The following PSD2 variants were observed in gnomAD, a reference collection of about 807,000 sequenced individuals.
PSD2 encodes PH and SEC7 domain-containing protein 2.
Under a neutral mutation model 69.8 loss-of-function variants are expected in PSD2, and 38 were observed. The observed-to-expected ratio is 0.54, with a 90% CI of 0.42 to 0.71. PSD2 has a LOEUF of 0.71. PSD2 is among the 30% of genes least tolerant of loss of function. PSD2 has a pLI of 0.00. For missense variants in PSD2, 943 were observed against 1,014.5 expected (o/e 0.93, Z 0.96); for synonymous variants, 412 against 423.0 (o/e 0.97, Z 0.32).
intron 4 of PSD2, among the ~76,000 whole-genome samples, chr5:139,816,398 CTGT>C (rs1389700819): frequency 1.3e-5 from 2 of 152,228 alleles, no homozygotes; most frequent in Non-Finnish European, 2.9e-5. Context: ...GCCGATTGGT[CTGT>C]TAAGTCTCTT....
chr5:139,836,693 T>C (rs1191216442), intron 9 of PSD2, 118 bp from the exon 10 acceptor site: 2 of 827,272 alleles, frequency 2.4e-6, no homozygotes, highest in Non-Finnish European at 4.0e-6. Flanking sequence ...CTCTGCCTCC[T>C]GGGGCTGCTC....
chr5:139,764,287 C>T, the PSD2 span, among the ~76,000 whole-genome samples: 2 of 152,228 alleles, frequency 1.3e-5, no homozygotes, highest in African/African-American at 4.8e-5. Context: ...TCGCGCCTGG[C>T]ACTGAGACCG....
At chr5:139,795,040 G>C (rs536317491), upstream of PSD2, among the ~76,000 whole-genome samples, 7 of 152,236 alleles carry the variant, frequency 4.6e-5, no homozygotes, top group South Asian at 1.2e-3. The surrounding 1 kb of genome is among the most constrained non-coding windows in gnomAD (Gnocchi z 4.5). Context: ...GTCTCTCTCT[G>C]TCTCCTTATA....
intron 7 of PSD2, among the ~76,000 whole-genome samples, chr5:139,830,379 G>T (rs1372596531): frequency 7.6e-6 from 1 of 131,766 alleles, no homozygotes; most frequent in Non-Finnish European, 1.6e-5. Flanking sequence ...TTGAGACAGC[G>T]TCTCTCTGTT....
Position 139,837,639 on chromosome 5 carries a change from T to C in PSD2, c.1680T>C (p.Pro560=). Residue 560 remains proline (P), a synonymous_variant, in exon 12 of 15, where the codon CCT becomes CCC. Coordinates refer to ENST00000274710, the MANE Select transcript of PSD2 (RefSeq NM_032289.4). The surrounding 1 kb of genome is among the most constrained non-coding windows in gnomAD (Gnocchi z 5.0). Reference sequence around the variant, plus strand: ...GCCCCACCCAGGATGAGTACAGGCCTGACAAAGCTCTATCGGAGGGTGACC... The same window carrying C: ...GCCCCACCCAGGATGAGTACAGGCCCGACAAAGCTCTATCGGAGGGTGACC... ...ILYLQKDEYR[P]DKALSEGDLK... The C allele has an allele frequency of 1.9e-6, 3 of 1,611,494 alleles. No individual in the cohort carries two copies. The highest frequency in any genetic ancestry group is 2.5e-6 in the Non-Finnish European group (3 of 1,178,104).
intron 1 of PSD2, among the ~76,000 whole-genome samples, chr5:139,803,441 C>T (rs185820167): frequency 1.3e-5 from 2 of 152,356 alleles, no homozygotes; most frequent in Admixed American, 1.3e-4. Flanking sequence ...CAGCAGCCCT[C>T]CCTTGAGCAC....
At chr5:139,832,868 C>A (rs982573814) in intron 7 of PSD2, among the ~76,000 whole-genome samples, 5 of 152,138 alleles carry the variant, frequency 3.3e-5, no homozygotes, top group Non-Finnish European at 7.4e-5. Flanking sequence ...AGGGTTTGAG[C>A]CCCTCTGCTA....
chr5:139,820,615 T>C (rs1760235779), intron 5 of PSD2, among the ~76,000 whole-genome samples: 2 of 152,096 alleles, frequency 1.3e-5, no homozygotes, highest in Non-Finnish European at 2.9e-5. Flanking sequence ...AAATGAACTA[T>C]AGCAAAAATT....
chr5:139,821,705 G>A (rs776391840), intron 5 of PSD2, among the ~76,000 whole-genome samples, 188 bp from the exon 6 acceptor site: 25 of 152,188 alleles, frequency 1.6e-4, no homozygotes, highest in Non-Finnish European at 2.9e-4. Flanking sequence ...AGGTCCCCTG[G>A]CCTCAGCACT....
Position 139,813,472 on chromosome 5 carries a change from C to G in PSD2, c.535C>G (p.Pro179Ala), listed in dbSNP as rs773028920. 6.2e-7 allele frequency: 1 copy of G among 1,613,904 alleles called. No homozygotes were observed. Among genetic ancestry groups the G allele is most frequent in the African/African-American group, 1.3e-5 (1 of 75,070 alleles). The change falls in exon 3 of 15, where the codon CCC becomes GCC. Residue 179 changes from proline (P) to alanine (A), a missense_variant. Pro to Ala is a conservative substitution (Grantham distance 27). This residue lies in a region of PSD2 where 466 missense variants were observed against 445.0 expected (regional missense o/e 1.05). Coordinates refer to ENST00000274710, the MANE Select transcript of PSD2 (RefSeq NM_032289.4). ...ESDSCVSFEA[P>A]LTPLIQQRAR... ...CGACAGCTGCGTCAGCTTCGAGGCCCCCCTCACACCCCTCATCCAGCAGCG... is the reference window on the plus strand; with the variant it reads ...CGACAGCTGCGTCAGCTTCGAGGCCGCCCTCACACCCCTCATCCAGCAGCG...
the PSD2 span, among the ~76,000 whole-genome samples, chr5:139,783,459 A>G: frequency 0.31 from 47,861 of 152,010 alleles, 8,383 homozygotes; most frequent in African/African-American, 0.48. Flanking sequence ...ATGCGTCCAT[A>G]TTGTAGCAGG....
chr5:139,830,570 C>CCTTCCTTTCTT (rs1760555907), intron 7 of PSD2, among the ~76,000 whole-genome samples: 2 of 133,430 alleles, frequency 1.5e-5, no homozygotes, highest in African/African-American at 6.6e-5. Context: ...TCCTTCCTTT[C>CCTTCCTTTCTT]TTTCTTTCTT....
chr5:139,798,177 G>A (rs1287864456), intron 1 of PSD2, among the ~76,000 whole-genome samples: 1 of 152,242 alleles, frequency 6.6e-6, no homozygotes, highest in Non-Finnish European at 1.5e-5. Flanking sequence ...CTTGAGGGGT[G>A]TTTGGGGGAG....
chr5:139,752,263 G>A, the PSD2 span, among the ~76,000 whole-genome samples: 1 of 151,938 alleles, frequency 6.6e-6, no homozygotes, highest in Non-Finnish European at 1.5e-5. Context: ...ATCCATCCAT[G>A]TCTCTTTTTC....
chr5:139,754,935 G>GGT, the PSD2 span, among the ~76,000 whole-genome samples: 4 of 152,202 alleles, frequency 2.6e-5, no homozygotes, highest in African/African-American at 7.2e-5. Flanking sequence ...TGGGAGCCAA[G>GGT]GTGTGTATGT....
chr5:139,784,132 G>T, the PSD2 span, among the ~76,000 whole-genome samples: 2 of 151,522 alleles, frequency 1.3e-5, no homozygotes, highest in African/African-American at 4.9e-5. Flanking sequence ...GCAGAGAGGG[G>T]TTTTGCCATG....
intron 1 of PSD2, among the ~76,000 whole-genome samples, chr5:139,799,695 A>G (rs531264034): frequency 1.3e-5 from 2 of 152,154 alleles, no homozygotes; most frequent in African/African-American, 2.4e-5. Flanking sequence ...CAGGGGGGAC[A>G]GCATTGGGGC....
At chr5:139,788,032 T>C in the PSD2 span, among the ~76,000 whole-genome samples, 1 of 152,216 alleles carries the variant, frequency 6.6e-6, no homozygotes, top group Non-Finnish European at 1.5e-5. Context: ...ATGACCCATA[T>C]GACCTGTATT....
Position 139,814,406 on chromosome 5 carries a change from G to T in PSD2, c.1016+42G>T, listed in dbSNP as rs755318399. 6.5e-7 allele frequency: 1 copy of T among 1,530,118 alleles called. No homozygotes were observed. The highest frequency in any genetic ancestry group is 8.8e-7 in the Non-Finnish European group (1 of 1,138,212). The allele number at this position is 1,530,118 out of a possible 1,614,324, so 94.8% of individuals were successfully genotyped here. On this transcript the variant is annotated intron_variant, in intron 4 of 14. Coordinates refer to ENST00000274710, the MANE Select transcript of PSD2 (RefSeq NM_032289.4). This position sits in a 1 kb window ranked among gnomAD's most constrained non-coding sequence, Gnocchi z 4.4. Reference sequence around the variant, plus strand: ...CTGCCCCCAACCCTGGGCAAACCTCGTGTCTTCCTCAACCTGAAGAGGGTG... The same window carrying T: ...CTGCCCCCAACCCTGGGCAAACCTCTTGTCTTCCTCAACCTGAAGAGGGTG...
Sources: gnomAD v4.1 joint callset for allele counts (sites outside exome capture counted in the v4.1 genomes callset) on GRCh38, gnomAD v4.1.1 for gene constraint, gnomAD v4.1.1 regional missense constraint, Gnocchi (gnomAD v3.1) non-coding constraint, MANE v1.5 for transcripts, NCBI Gene and HGNC (gene_info 2026-07-23, HGNC 2026-07-21) for gene names.